Variants in TUSC3 observed in about 807,000 individuals in gnomAD.
The protein encoded by TUSC3 is tumor suppressor candidate 3, also known as dolichyl-diphosphooligosaccharide--protein glycosyltransferase subunit TUSC3.
Under a neutral mutation model 44.8 loss-of-function variants are expected in TUSC3, and 45 were observed. The ratio of observed to expected loss-of-function variants is 1.00; its 90% CI spans 0.79 to 1.29. The LOEUF (loss-of-function observed/expected upper bound fraction) is 1.29, where lower values mean the gene tolerates loss of function less well. Among genes scored for constraint, TUSC3 ranks in the 50% most tolerant of loss-of-function variants. The pLI is 0.00. For missense variants in TUSC3, 519 were observed against 437.9 expected, an observed-to-expected ratio of 1.19 and a Z score of -1.65; for synonymous variants, 212 against 152.9, an observed-to-expected ratio of 1.39 and a Z score of -2.85.
intron 1 of TUSC3, among the ~76,000 whole-genome samples, chr8:15,481,711 T>C (rs1800663666): frequency 6.6e-6 from 1 of 152,158 alleles, no homozygotes; most frequent in African/African-American, 2.4e-5. Context: ...ACAATGTACA[T>C]ACCTTAATTT....
At chr8:15,675,002 T>C (rs1808120785) in intron 6 of TUSC3, among the ~76,000 whole-genome samples, 1 of 152,098 alleles carries the variant, frequency 6.6e-6, no homozygotes. Flanking sequence ...CCCTGGTCCC[T>C]ATACTCTGTC....
At chr8:15,487,955 C>G (rs1003930242) in intron 2 of TUSC3, among the ~76,000 whole-genome samples, 3 of 148,150 alleles carry the variant, frequency 2.0e-5, no homozygotes, top group Non-Finnish European at 3.0e-5. Flanking sequence ...ATTGAAAACA[C>G]TCTCGTCTGA....
chr8:15,521,738 C>T (rs976157498), intron 2 of TUSC3, among the ~76,000 whole-genome samples: 6 of 152,190 alleles, frequency 3.9e-5, no homozygotes, highest in Non-Finnish European at 8.8e-5. Context: ...CCTTCTGAGG[C>T]ACTTTATGAA....
At chr8:15,626,520 A>G (rs2129166068) in intron 2 of TUSC3, among the ~76,000 whole-genome samples, 1 of 152,178 alleles carries the variant, frequency 6.6e-6, no homozygotes, top group East Asian at 1.9e-4. Flanking sequence ...TTGGGGCAGG[A>G]AGCAGGCAGC....
At chr8:15,563,680 C>A (rs1802560328) in intron 1 of TUSC3, among the ~76,000 whole-genome samples, 3 of 61,580 alleles carry the variant, frequency 4.9e-5, no homozygotes, top group South Asian at 6.0e-4. Context: ...AGTGAGCCTC[C>A]ATCTCAAAAA....
chr8:15,763,795 G>A (rs184431237), intron 10 of TUSC3, among the ~76,000 whole-genome samples: 61 of 152,110 alleles, frequency 4.0e-4, no homozygotes, highest in Non-Finnish European at 7.1e-4. Context: ...AAAAGACCAA[G>A]TGATTAAATT....
chr8:15,568,686 TC>T (rs1398937826), intron 1 of TUSC3, among the ~76,000 whole-genome samples: 1 of 151,872 alleles, frequency 6.6e-6, no homozygotes, highest in Non-Finnish European at 1.5e-5. Context: ...CACTGCAACT[TC>T]CATCTGCCAG....
At chr8:15,686,147 T>A (rs1001317277) in intron 6 of TUSC3, among the ~76,000 whole-genome samples, 2 of 152,144 alleles carry the variant, frequency 1.3e-5, no homozygotes, top group Non-Finnish European at 2.9e-5. Context: ...ACAAAAGCAG[T>A]CATTATTGTG....
At chr8:15,619,809 C>G (rs1805162356) in intron 1 of TUSC3, among the ~76,000 whole-genome samples, 1 of 152,124 alleles carries the variant, frequency 6.6e-6, no homozygotes, top group African/African-American at 2.4e-5. Flanking sequence ...CGTGCCCGGC[C>G]TATTCCATAT....
In TUSC3 at chr8:15,523,700, GTGTGTGTGTATA is replaced by G. The variant is rs1305403294; in HGVS notation, n.189+40219_189+40230del. 2.9e-3 allele frequency among the ~76,000 whole-genome samples: 300 copies of G among 103,290 alleles called. 7 individuals carry two copies. Among genetic ancestry groups the G allele is most frequent in the Non-Finnish European group, 3.0e-3 (159 of 52,304 alleles). The allele number at this position is 103,290 out of a possible 152,430, so 67.8% of individuals were successfully genotyped here. On this transcript the variant is annotated intron_variant and non_coding_transcript_variant, in intron 2 of 5. Transcript: ENST00000503191. ...TGTGTGTGTGTGTGTGTGTGTGTGT[GTGTGTGTGTATA>G]TATATATATATATAAAGTAGTTCTT...
intron 6 of TUSC3, among the ~76,000 whole-genome samples, chr8:15,722,924 C>T (rs745866618): frequency 2.0e-5 from 3 of 152,108 alleles, no homozygotes; most frequent in Non-Finnish European, 4.4e-5. Context: ...CCTTCCCATA[C>T]AGCCTCCCAC....
intron 1 of TUSC3, among the ~76,000 whole-genome samples, chr8:15,444,588 A>G (rs946894673): frequency 2.0e-5 from 3 of 152,250 alleles, no homozygotes; most frequent in African/African-American, 7.2e-5. Context: ...TGACTTAGCA[A>G]GATTCTTGCT....
intron 2 of TUSC3, among the ~76,000 whole-genome samples, chr8:15,517,993 C>T (rs57727360): frequency 6.8e-6 from 1 of 147,738 alleles, no homozygotes; most frequent in Admixed American, 6.8e-5. Context: ...CAAAAAAAAA[C>T]CCCCATACAC....
intron 2 of TUSC3, among the ~76,000 whole-genome samples, chr8:15,512,788 C>CAATT (rs1387357440): frequency 6.8e-6 from 1 of 147,600 alleles, no homozygotes; most frequent in African/African-American, 2.5e-5. Context: ...ACCAATCAAT[C>CAATT]AATCAATCAA....
the TUSC3 span, among the ~76,000 whole-genome samples, chr8:15,826,594 G>C: frequency 6.6e-6 from 1 of 152,068 alleles, no homozygotes; most frequent in Admixed American, 6.6e-5. Flanking sequence ...CTGCTTTTAA[G>C]GTAAAGTGCT....
intron 2 of TUSC3, among the ~76,000 whole-genome samples, chr8:15,648,397 ACT>A (rs1237100321): frequency 6.6e-6 from 1 of 152,018 alleles, no homozygotes; most frequent in Admixed American, 6.6e-5. Context: ...ACGCGGGCAG[ACT>A]CTGAGGGTTG....
chr8:15,562,738 C>G (rs529883072), intron 1 of TUSC3, among the ~76,000 whole-genome samples: 51 of 152,192 alleles, frequency 3.4e-4, no homozygotes, highest in African/African-American at 1.2e-3. Flanking sequence ...TGCTGCCAAC[C>G]CCAGGTTCCA....
At chr8:15,758,145 C>T in intron 10 of TUSC3, 2 of 1,122,502 alleles carry the variant, frequency 1.8e-6, no homozygotes, top group Non-Finnish European at 2.2e-6. Flanking sequence ...TGTTTGTTAT[C>T]ACTTAGGGAA....
At chr8:15,787,953 C>T in the TUSC3 span, among the ~76,000 whole-genome samples, 1 of 152,076 alleles carries the variant, frequency 6.6e-6, no homozygotes, top group Non-Finnish European at 1.5e-5. Context: ...ATTATTATTC[C>T]TCAAATATTC....
Sources: gnomAD v4.1 joint callset for allele counts (sites outside exome capture counted in the v4.1 genomes callset) on GRCh38, gnomAD v4.1.1 for gene constraint, MANE v1.5 for transcripts, NCBI Gene and HGNC (gene_info 2026-07-23, HGNC 2026-07-21) for gene names.